The following CARMIL2 variants were observed in gnomAD, a reference collection of about 807,000 sequenced individuals.
CARMIL2 encodes the protein capping protein, Arp2/3 and myosin-I linker protein 2.
CARMIL2 carries 96 observed loss-of-function variants against 173.3 expected under a neutral mutation model. The observed-to-expected ratio is 0.55, with a 90% CI of 0.47 to 0.66. The LOEUF is 0.66. CARMIL2 is among the 30% of genes least tolerant of loss of function. The probability of loss-of-function intolerance (pLI) is 0.00; values close to 1 mark genes in which losing one functional copy is unlikely to be tolerated. For missense variants in CARMIL2, 1,771 were observed against 1,906.7 expected (o/e 0.93, Z 1.33); for synonymous variants, 830 against 817.1 (o/e 1.02, Z -0.27).
rs2052767845 is a variant in CARMIL2 at position 67,653,385 on chromosome 16, G to C, written c.3120+131G>C. On this transcript the variant is annotated intron_variant, in intron 29 of 37. Coordinates refer to ENST00000334583, the MANE Select transcript of CARMIL2 (RefSeq NM_001013838.3). This position sits in a 1 kb window ranked among gnomAD's most constrained non-coding sequence, Gnocchi z 7.4. ...CAAGGCCACCTGGTCGTGCGGCCGC[G>C]GTCACATCCTGGCTTCTTCCTGACC... is the stretch of plus-strand genomic sequence containing the variant. The C allele has an allele frequency of 3.8e-6, 1 of 262,374 alleles. No homozygotes were observed. Among genetic ancestry groups the C allele is most frequent in the Admixed American group, 6.0e-5 (1 of 16,636 alleles). 16.3% of individuals were successfully genotyped at this position (262,374 alleles called of 1,614,324 possible). A position where few individuals can be genotyped will look rare whatever the true frequency, so the allele number is the denominator to read the frequency against.
chr16:67,654,024 G>A (rs2052780690), intron 29 of CARMIL2, 125 bp from the exon 30 acceptor site: 2 of 636,460 alleles, frequency 3.1e-6, no homozygotes, highest in Non-Finnish European at 5.4e-6. Flanking sequence ...GGTATCAGCA[G>A]CCCCTAGGGT....
At position 67,653,365 on chromosome 16, in the gene CARMIL2, C is replaced by A; in HGVS notation, c.3120+111C>A. 2.7e-6 allele frequency: 1 copy of A among 374,536 alleles called. No homozygotes were observed. The highest frequency in any genetic ancestry group is 3.9e-6 in the Non-Finnish European group (1 of 258,686). 23.2% of individuals were successfully genotyped at this position (374,536 alleles called of 1,614,324 possible). On this transcript the variant is annotated intron_variant, in intron 29 of 37. Coordinates refer to ENST00000334583, the MANE Select transcript of CARMIL2 (RefSeq NM_001013838.3). This position sits in a 1 kb window ranked among gnomAD's most constrained non-coding sequence, Gnocchi z 7.4. ...GAGAGGGGGTGGTGGGGGCCCAAGG[C>A]CACCTGGTCGTGCGGCCGCGGTCAC...
chr16:67,655,675 C>T (rs1335431247), intron 32 of CARMIL2, among the ~76,000 whole-genome samples: 1 of 152,134 alleles, frequency 6.6e-6, no homozygotes, highest in African/African-American at 2.4e-5. Flanking sequence ...TTGTGGGTTA[C>T]GCCAGGTCCC....
chr16:67,647,021 A>G, intron 8 of CARMIL2, 48 bp downstream of exon 8: 1 of 1,601,288 alleles, frequency 6.2e-7, no homozygotes, highest in Non-Finnish European at 8.5e-7. Flanking sequence ...CGGGGCCCAT[A>G]TCCCTGGGCC....
intron 22 of CARMIL2, chr16:67,650,917 T>C (rs2052710570): frequency 2.3e-6 from 1 of 429,860 alleles, no homozygotes; most frequent in South Asian, 3.6e-5. Flanking sequence ...CTATCCTCTG[T>C]GTGGACAGAC....
chr16:67,647,333 T>C lies in CARMIL2; in HGVS notation c.722T>C (p.Met241Thr), dbSNP rs759559098. The C allele has an allele frequency of 2.5e-6, 4 of 1,592,320 alleles. No individual in the cohort carries two copies. In the Admixed American group the frequency reaches 7.2e-5, roughly 29 times the overall value. ...GTCTCAGAACAGATTCTGCACATGA[T>C]GAGTCAGTCATCACACCTGGAGGAG... ...LEVSEQILHM[M>T]SQSSHLEELV... The change falls in exon 10 of 38, where the codon ATG (methionine) becomes ACG (threonine). Residue 241 changes from methionine (M) to threonine (T), a missense_variant. Transcript: ENST00000334583.
At position 67,646,932 on chromosome 16, in the gene CARMIL2, C is replaced by T; in HGVS notation, c.570C>T (p.Cys190=). ...DVDTIYHRQG[C]RHFSLGDFSH... is the part of the protein sequence containing the mutation. The stretch of plus-strand genomic sequence containing the variant: ...ACACCATTTACCATCGCCAGGGCTG[C>T]CGCCATTTCAGCCTGGGAGACTTCA... Residue 190 remains cysteine, a synonymous_variant, in exon 8 of 38, where the codon TGC becomes TGT. Transcript: ENST00000334583. The surrounding 1 kb of genome is among the most constrained non-coding windows in gnomAD (Gnocchi z 4.6). 1.2e-6 allele frequency: 2 copies of T among 1,613,728 alleles called. No homozygotes were observed. Among genetic ancestry groups the T allele is most frequent in the Non-Finnish European group, 8.5e-7 (1 of 1,179,880 alleles).
intron 35 of CARMIL2, 61 bp downstream of exon 35, chr16:67,656,706 G>C (rs547644401): frequency 1.3e-6 from 2 of 1,556,882 alleles, no homozygotes; most frequent in East Asian, 4.5e-5. Flanking sequence ...AGTTCCTGCT[G>C]GGAACTCAGC....
In CARMIL2 at chr16:67,646,303, A is replaced by G. The variant is rs1690244013; in HGVS notation, c.367A>G (p.Thr123Ala). 1.9e-6 allele frequency: 3 copies of G among 1,613,136 alleles called. No individual in the cohort carries two copies. The highest frequency in any genetic ancestry group is 2.5e-6 in the Non-Finnish European group (3 of 1,179,546). Reference protein sequence around the residue: ...AAIKKVFPRSTLGKLFRRPTP... With the variant: ...AAIKKVFPRSALGKLFRRPTP... ...CATCAAGAAGGTCTTCCCTCGCTCGACCCTTGGGTGAGGCCTGGCAAATTC... is the reference window on the plus strand; with the variant it reads ...CATCAAGAAGGTCTTCCCTCGCTCGGCCCTTGGGTGAGGCCTGGCAAATTC... The change falls in exon 5 of 38, where the codon ACC becomes GCC. Residue 123 changes from threonine to alanine, a missense_variant. Around this residue, in one of 3 missense-constraint regions of CARMIL2, gnomAD observed 944 missense variants for 975.6 expected, o/e 0.97. Transcript: ENST00000334583. The surrounding 1 kb of genome is among the most constrained non-coding windows in gnomAD (Gnocchi z 4.6).
At position 67,652,974 on chromosome 16, in the gene CARMIL2, T is replaced by TC; in HGVS notation, c.2885-41dup. ...CCGCCCTAGCGCCTCCGCCGCCACC[T>TC]CCCCGGGCTCGGCGCTCGGTGCTCT... is the stretch of plus-strand genomic sequence containing the variant. On this transcript the variant is annotated intron_variant, in intron 28 of 37. Coordinates refer to ENST00000334583, the MANE Select transcript of CARMIL2 (RefSeq NM_001013838.3). This position sits in a 1 kb window ranked among gnomAD's most constrained non-coding sequence, Gnocchi z 4.7. 9.2e-7 allele frequency: 1 copy of TC among 1,087,140 alleles called. No individual in the cohort carries two copies. Among genetic ancestry groups the TC allele is most frequent in the Non-Finnish European group, 1.2e-6 (1 of 835,504 alleles). 67.3% of individuals were successfully genotyped at this position (1,087,140 alleles called of 1,614,324 possible).
chr16:67,648,584 C>G lies in CARMIL2; in HGVS notation c.1439+82C>G. ...CGCCCCTCCCCGCTCCTGCTTCTGTCGCTCCCACAACCTCCCCCAGATCCT... is the reference window on the plus strand; with the variant it reads ...CGCCCCTCCCCGCTCCTGCTTCTGTGGCTCCCACAACCTCCCCCAGATCCT... On this transcript the variant is annotated intron_variant, in intron 15 of 37. Coordinates refer to ENST00000334583, the MANE Select transcript of CARMIL2 (RefSeq NM_001013838.3). The surrounding 1 kb of genome is among the most constrained non-coding windows in gnomAD (Gnocchi z 6.1). 7.1e-7 allele frequency: 1 copy of G among 1,414,768 alleles called. No individual in the cohort carries two copies. Among genetic ancestry groups the G allele is most frequent in the Non-Finnish European group, 9.6e-7 (1 of 1,038,982 alleles). The allele number at this position is 1,414,768 out of a possible 1,614,324, so 87.6% of individuals were successfully genotyped here.
chr16:67,645,990 G>C (rs2052585958), intron 3 of CARMIL2, 28 bp from the exon 4 acceptor site: 1 of 1,613,380 alleles, frequency 6.2e-7, no homozygotes, highest in Non-Finnish European at 8.5e-7. Flanking sequence ...CTGGGGGCTT[G>C]GTCCCAGCTG....
rs996946371 is a variant in CARMIL2, at chr16:67,648,675, C to T, written c.1440-10C>T. On this transcript the variant is annotated splice_polypyrimidine_tract_variant and intron_variant, in intron 15 of 37. Coordinates refer to ENST00000334583, the MANE Select transcript of CARMIL2 (RefSeq NM_001013838.3). This position sits in a 1 kb window ranked among gnomAD's most constrained non-coding sequence, Gnocchi z 6.1. ...CAGCTCCCGCCACCCCGTGTAACGT[C>T]CTCTCCCAGAGCCCTTTTGGATGGC... The T allele has an allele frequency of 5.0e-6, 8 of 1,601,912 alleles. No individual in the cohort carries two copies. The African/African-American group carries it at 1.1e-4, about 21-fold the overall frequency.
At position 67,653,706 on chromosome 16, in the gene CARMIL2, A is replaced by T. The variant is rs2052773882; in HGVS notation, c.3121-443A>T. 2.0e-5 allele frequency among the ~76,000 whole-genome samples: 3 copies of T among 149,642 alleles called. No individual in the cohort carries two copies. In the East Asian group the frequency reaches 6.0e-4, roughly 30 times the overall value. ...CGGGCACTGGCGGAGGGCGGGGAGG[A>T]GCCGGCTTGAGGCCCCCCAGAGGGT... On this transcript the variant is annotated intron_variant, in intron 29 of 37. Transcript: ENST00000334583. This position sits in a 1 kb window ranked among gnomAD's most constrained non-coding sequence, Gnocchi z 7.4.
Position 67,649,127 on chromosome 16 carries a change from C to T in CARMIL2, c.1643C>T (p.Ser548Phe). 1.2e-6 allele frequency: 2 copies of T among 1,613,594 alleles called. No homozygotes were observed. The highest frequency in any genetic ancestry group is 1.7e-6 in the Non-Finnish European group (2 of 1,179,814). ...TLVLAIGRSR[S>F]LRHVALGRNF... is the part of the protein sequence containing the mutation. ...GTGCTGGCCATCGGGAGAAGCCGGT[C>T]CCTGAGACATGTGGCGCTTGGAAGG... The change falls in exon 18 of 38, where the codon TCC becomes TTC. Residue 548 changes from serine (S) to phenylalanine (F), a missense_variant. Physicochemically the swap from Ser to Phe is radical, Grantham distance 155. This residue lies in a region of CARMIL2 where 944 missense variants were observed against 975.6 expected (regional missense o/e 0.97). Coordinates refer to ENST00000334583, the MANE Select transcript of CARMIL2 (RefSeq NM_001013838.3). This position sits in a 1 kb window ranked among gnomAD's most constrained non-coding sequence, Gnocchi z 6.7.
At position 67,651,526 on chromosome 16, in the gene CARMIL2, C is replaced by A; in HGVS notation, c.2427+12C>A. 1 of 1,577,048 alleles carries A rather than the reference C, an allele frequency of 6.3e-7. No homozygotes were observed. Among genetic ancestry groups the A allele is most frequent in the South Asian group, 1.2e-5 (1 of 84,856 alleles). ...GCCAGGACATCCAGGTGAGAGGGTA[C>A]TCCTGCCCCAACCCCACCTCCGTTT... On this transcript the variant is annotated intron_variant, in intron 24 of 37. Transcript: ENST00000334583. The surrounding 1 kb of genome is among the most constrained non-coding windows in gnomAD (Gnocchi z 4.2).
chr16:67,647,599 C>G lies in CARMIL2; in HGVS notation c.868C>G (p.Arg290Gly), dbSNP rs1270039585. The change falls in exon 11 of 38, where the codon CGA becomes GGA. Residue 290 changes from arginine (R) to glycine (G), a missense_variant. Around this residue, in one of 3 missense-constraint regions of CARMIL2, gnomAD observed 944 missense variants for 975.6 expected, o/e 0.97. Transcript: ENST00000334583. ...CCTCGCGGGGAACCTGCTGGATGAC[C>G]GAGGTATGACTGAGCCTGGGGACCG... is the stretch of plus-strand genomic sequence containing the variant. ...LSLAGNLLDD[R>G]GMTALSRHLE... 3 of 1,609,482 alleles carry G rather than the reference C, an allele frequency of 1.9e-6. No individual in the cohort carries two copies. Among genetic ancestry groups the G allele is most frequent in the Non-Finnish European group, 2.5e-6 (3 of 1,178,274 alleles).
Position 67,651,746 on chromosome 16 carries a change from C to A in CARMIL2, c.2489C>A (p.Ser830Tyr). The A allele has an allele frequency of 1.9e-6, 3 of 1,606,780 alleles. No homozygotes were observed. Among genetic ancestry groups the A allele is most frequent in the Non-Finnish European group, 8.5e-7 (1 of 1,177,354 alleles). Residue 830 changes from serine to tyrosine, a missense_variant, in exon 25 of 38, where the codon TCC becomes TAC. By Grantham distance (144) the Ser-to-Tyr change is moderately radical (BLOSUM62 -2). Around this residue, in one of 3 missense-constraint regions of CARMIL2, gnomAD observed 817 missense variants for 903.5 expected, o/e 0.90. Transcript: ENST00000334583. The surrounding 1 kb of genome is among the most constrained non-coding windows in gnomAD (Gnocchi z 4.2). ...RSLCPQMLQGSSWREQLEGVL... is the reference protein window; with the variant it reads ...RSLCPQMLQGYSWREQLEGVL... ...CTCTGCCCACAGATGCTGCAGGGAT[C>A]CAGCTGGAGGGAGCAGCTAGAGGGG...
At chr16:67,654,124 C>T (rs1359052446) in intron 29 of CARMIL2, 25 bp from the exon 30 acceptor site, 19 of 1,419,912 alleles carry the variant, frequency 1.3e-5, no homozygotes, top group Middle Eastern at 4.5e-4. Flanking sequence ...TCAACCCTGA[C>T]CCCTGACCCC....
Sources: gnomAD v4.1 joint callset for allele counts (sites outside exome capture counted in the v4.1 genomes callset) on GRCh38, gnomAD v4.1.1 for gene constraint, gnomAD v4.1.1 regional missense constraint, Gnocchi (gnomAD v3.1) non-coding constraint, MANE v1.5 for transcripts, NCBI Gene and HGNC (gene_info 2026-07-23, HGNC 2026-07-21) for gene names.